Variants in NSMCE2 observed in about 807,000 individuals in gnomAD.
NSMCE2 encodes the protein E3 SUMO-protein ligase NSE2.
In NSMCE2, 24 loss-of-function variants were observed where a neutral mutation model predicts 23.8. The observed-to-expected ratio is 1.01, with a 90% confidence interval of 0.73 to 1.42. The LOEUF (loss-of-function observed/expected upper bound fraction) is 1.42, where lower values mean the gene tolerates loss of function less well. Ranked by LOEUF, NSMCE2 falls within the 40% of genes most tolerant of loss-of-function variation. NSMCE2 has a pLI of 0.00. For synonymous variants in NSMCE2, 92 were observed against 94.1 expected (o/e 0.98, Z 0.13); for missense variants, 284 against 296.5 (o/e 0.96, Z 0.31).
intron 4 of NSMCE2, among the ~76,000 whole-genome samples, chr8:125,169,540 C>T (rs759089294): frequency 4.6e-5 from 7 of 152,154 alleles, no homozygotes; most frequent in Non-Finnish European, 8.8e-5. Context: ...GTCGTCCTTA[C>T]TTCCCCTACT....
chr8:125,134,463 A>G (rs141822678), intron 3 of NSMCE2, among the ~76,000 whole-genome samples: 2 of 152,296 alleles, frequency 1.3e-5, no homozygotes, highest in East Asian at 3.9e-4. Flanking sequence ...TAGCCATTCT[A>G]ATAGATATGC....
intron 3 of NSMCE2, among the ~76,000 whole-genome samples, chr8:125,110,892 G>A (rs982026407): frequency 6.6e-6 from 1 of 151,126 alleles, no homozygotes; most frequent in South Asian, 2.1e-4. Context: ...GGGGGAAGGA[G>A]CTGGGACCTT....
intron 4 of NSMCE2, among the ~76,000 whole-genome samples, chr8:125,169,133 C>T (rs1031896497): frequency 1.3e-4 from 20 of 152,196 alleles, no homozygotes; most frequent in African/African-American, 4.8e-4. Flanking sequence ...CATGACAACA[C>T]ATCTGTTTTT....
rs959127235 is a variant in NSMCE2 at position 125,303,378 on chromosome 8, C to T, written c.419-53841C>T. 2.0e-5 allele frequency among the ~76,000 whole-genome samples: 3 copies of T among 152,086 alleles called. No individual in the cohort carries two copies. The East Asian group carries it at 5.8e-4, about 29-fold the overall frequency. On this transcript the variant is annotated intron_variant, in intron 5 of 7. Transcript: ENST00000287437. ...TGGAATTCTGATTCATTTGCAGGAC[C>T]AAATAAGGACCTACCCAATGATCAT... is the stretch of plus-strand genomic sequence containing the variant.
chr8:125,314,685 G>C (rs539364875), intron 5 of NSMCE2, among the ~76,000 whole-genome samples: 1 of 152,370 alleles, frequency 6.6e-6, no homozygotes, highest in East Asian at 1.9e-4. Flanking sequence ...CTCTGGAAGT[G>C]GAGCTGTGAT....
At chr8:125,332,679 C>T (rs182148595) in intron 5 of NSMCE2, among the ~76,000 whole-genome samples, 2 of 152,338 alleles carry the variant, frequency 1.3e-5, no homozygotes, top group African/African-American at 4.8e-5. Flanking sequence ...ATGCTTTGTA[C>T]ACTGCTATAG....
intron 5 of NSMCE2, among the ~76,000 whole-genome samples, chr8:125,314,434 C>T (rs1204464187): frequency 2.6e-5 from 4 of 152,182 alleles, no homozygotes; most frequent in Non-Finnish European, 5.9e-5. Context: ...GGGTTATAGG[C>T]ACCCACCACC....
intron 3 of NSMCE2, among the ~76,000 whole-genome samples, chr8:125,116,219 A>G (rs991354556): frequency 1.3e-5 from 2 of 152,248 alleles, no homozygotes; most frequent in East Asian, 3.8e-4. Context: ...GACAAAACTT[A>G]AAGCTCAAAA....
intron 3 of NSMCE2, 105 bp downstream of exon 3, chr8:125,102,592 C>T: frequency 8.4e-6 from 7 of 829,386 alleles, no homozygotes; most frequent in Non-Finnish European, 1.4e-5. Flanking sequence ...TGATTTAACC[C>T]CTCTAGGCAT....
intron 5 of NSMCE2, among the ~76,000 whole-genome samples, chr8:125,216,279 G>A (rs966784369): frequency 3.3e-5 from 5 of 152,186 alleles, no homozygotes; most frequent in African/African-American, 1.2e-4. Context: ...CAGTGTACAT[G>A]TATCTGTTTG....
intron 5 of NSMCE2, among the ~76,000 whole-genome samples, chr8:125,203,305 A>G (rs778569077): frequency 1.3e-5 from 2 of 152,200 alleles, no homozygotes; most frequent in South Asian, 4.2e-4. Flanking sequence ...CCTGTTTGCC[A>G]GATTATAGAC....
chr8:125,147,931 A>T (rs1263389169), intron 3 of NSMCE2, among the ~76,000 whole-genome samples: 1 of 152,198 alleles, frequency 6.6e-6, no homozygotes, highest in African/African-American at 2.4e-5. Context: ...CCTGTCTTTA[A>T]GATGCTCTTG....
chr8:125,227,330 C>T (rs1316227733), intron 5 of NSMCE2, among the ~76,000 whole-genome samples: 2 of 152,122 alleles, frequency 1.3e-5, no homozygotes, highest in African/African-American at 2.4e-5. Context: ...CTTCAGATAG[C>T]AGTGAGAAGA....
chr8:125,195,827 C>T (rs1273868815), intron 5 of NSMCE2, among the ~76,000 whole-genome samples: 3 of 151,040 alleles, frequency 2.0e-5, no homozygotes, highest in Non-Finnish European at 4.4e-5. Flanking sequence ...GAGTTATTTG[C>T]CTTGTATTTG....
chr8:125,155,824 A>G (rs1196492376), intron 4 of NSMCE2, among the ~76,000 whole-genome samples: 3 of 152,214 alleles, frequency 2.0e-5, no homozygotes, highest in African/African-American at 7.2e-5. Context: ...GTGCTTTTTC[A>G]GATAAGAGGT....
chr8:125,308,925 G>C (rs563232247), intron 5 of NSMCE2, among the ~76,000 whole-genome samples: 1 of 152,298 alleles, frequency 6.6e-6, no homozygotes, highest in African/African-American at 2.4e-5. Flanking sequence ...ATAACGTGGG[G>C]CCAGCGTGCA....
At chr8:125,208,977 T>C (rs1824223730) in intron 5 of NSMCE2, among the ~76,000 whole-genome samples, 1 of 152,232 alleles carries the variant, frequency 6.6e-6, no homozygotes. Context: ...TGTTTTCTTT[T>C]TCTCTTAAAA....
intron 5 of NSMCE2, among the ~76,000 whole-genome samples, chr8:125,265,800 T>C (rs1366190705): frequency 2.6e-5 from 4 of 152,222 alleles, no homozygotes; most frequent in Admixed American, 6.5e-5. Flanking sequence ...TCTCTGAACA[T>C]CTATTGATCC....
At chr8:125,201,743 G>A (rs1320178447) in intron 5 of NSMCE2, among the ~76,000 whole-genome samples, 8 of 152,224 alleles carry the variant, frequency 5.3e-5, no homozygotes, top group African/African-American at 1.7e-4. Flanking sequence ...AGACAGGGAC[G>A]TTTAAGTCTG....
Sources: allele counts gnomAD v4.1 joint callset (sites outside exome capture counted in the v4.1 genomes callset), GRCh38; gene constraint gnomAD v4.1.1; transcripts MANE v1.5; gene names NCBI Gene and HGNC (gene_info 2026-07-23, HGNC 2026-07-21).